PRKCZ: variants seen among roughly 807,000 people sequenced by gnomAD.
The protein encoded by PRKCZ is protein kinase C zeta.
PRKCZ carries 33 observed loss-of-function variants against 79.5 expected under a neutral mutation model. The observed-to-expected ratio is 0.41, with a 90% CI of 0.31 to 0.55. The LOEUF is 0.55. PRKCZ is among the 20% of genes least tolerant of loss of function. PRKCZ has a pLI of 0.19. For synonymous variants in PRKCZ, 342 were observed against 320.9 expected (o/e 1.07, Z -0.70); for missense variants, 578 against 813.5 (o/e 0.71, Z 3.52).
At chr1:2,091,404 T>TTAAA in intron 4 of PRKCZ, among the ~76,000 whole-genome samples, 1 of 152,348 alleles carries the variant, frequency 6.6e-6, no homozygotes, top group Non-Finnish European at 1.5e-5. Context: ...TTTCTAAGTG[T>TTAAA]GTAGTTCAGT....
Position 2,124,310 on chromosome 1 carries a change from G to T in PRKCZ, c.335-10952G>T, listed in dbSNP as rs78368298. Reference sequence around the variant, plus strand: ...AGTTAGCGTCACGGTGGTAGTTAGGGTCACGGTGGTGGTTAGGGTCACGGT... The same window carrying T: ...AGTTAGCGTCACGGTGGTAGTTAGGTTCACGGTGGTGGTTAGGGTCACGGT... On this transcript the variant is annotated intron_variant, in intron 4 of 17. Coordinates refer to ENST00000378567, the MANE Select transcript of PRKCZ (RefSeq NM_002744.6). Among the ~76,000 whole-genome samples, 219 of 71,908 alleles carry T rather than the reference G, an allele frequency of 3.0e-3. 48 individuals carry two copies. The highest frequency in any genetic ancestry group is 7.1e-3 in the African/African-American group (200 of 28,218). 47.2% of individuals were successfully genotyped at this position (71,908 alleles called of 152,430 possible).
rs966738821 is a variant in PRKCZ, at chr1:2,172,590, T to C, written c.1285+202T>C. On this transcript the variant is annotated intron_variant, in intron 13 of 17. Transcript: ENST00000378567. The surrounding 1 kb of genome is among the most constrained non-coding windows in gnomAD (Gnocchi z 7.8). ...CTCCCATGTCCACTTGAGCAGCTCC[T>C]TGGGGAGGGCACTGCACAGGATTCC... is the stretch of plus-strand genomic sequence containing the variant. Among the ~76,000 whole-genome samples, 2 of 152,124 alleles carry C rather than the reference T, an allele frequency of 1.3e-5. No homozygotes were observed. Among genetic ancestry groups the C allele is most frequent in the Non-Finnish European group, 2.9e-5 (2 of 68,016 alleles).
At chr1:2,061,964 G>GC (rs766579294) in intron 4 of PRKCZ, among the ~76,000 whole-genome samples, 2 of 152,166 alleles carry the variant, frequency 1.3e-5, no homozygotes, top group Non-Finnish European at 2.9e-5. Flanking sequence ...CACTGCCCAG[G>GC]CTGAGGGTCA....
rs984006867 is a variant in PRKCZ at position 2,177,390 on chromosome 1, C to T, written c.1575+2077C>T. On this transcript the variant is annotated intron_variant, in intron 16 of 17. Transcript: ENST00000378567. This position sits in a 1 kb window ranked among gnomAD's most constrained non-coding sequence, Gnocchi z 6.4. ...ACCCTCTCTCTTCCAAGCCCACCACCGTATGGGGCCCACCAGCACCATGGG... is the reference window on the plus strand; with the variant it reads ...ACCCTCTCTCTTCCAAGCCCACCACTGTATGGGGCCCACCAGCACCATGGG... Among the ~76,000 whole-genome samples, 4 of 152,166 alleles carry T rather than the reference C, an allele frequency of 2.6e-5. No homozygotes were observed. The highest frequency in any genetic ancestry group is 4.4e-5 in the Non-Finnish European group (3 of 68,044).
At chr1:2,064,935 T>C (rs1660994385) in intron 4 of PRKCZ, among the ~76,000 whole-genome samples, 1 of 152,268 alleles carries the variant, frequency 6.6e-6, no homozygotes, top group Non-Finnish European at 1.5e-5. Flanking sequence ...TAGATCACTT[T>C]GGGTAGTGCT....
At chr1:2,115,298 G>A (rs940060534) in intron 4 of PRKCZ, among the ~76,000 whole-genome samples, 5 of 152,236 alleles carry the variant, frequency 3.3e-5, no homozygotes, top group Non-Finnish European at 5.9e-5. Context: ...GCGAGGCACC[G>A]GGGTCCCGGC....
Position 2,094,015 on chromosome 1 carries a change from C to G in PRKCZ, c.334+34424C>G, listed in dbSNP as rs1174652706. ...TGCTGCCTGACACGTGTGTCTGCTC[C>G]CTGCGGCACGTCCACAGCACCTGCC... is the stretch of plus-strand genomic sequence containing the variant. On this transcript the variant is annotated intron_variant, in intron 4 of 17. Coordinates refer to ENST00000378567, the MANE Select transcript of PRKCZ (RefSeq NM_002744.6). The surrounding 1 kb of genome is among the most constrained non-coding windows in gnomAD (Gnocchi z 7.3). 6.6e-6 allele frequency among the ~76,000 whole-genome samples: 1 copy of G among 152,178 alleles called. No homozygotes were observed. The highest frequency in any genetic ancestry group is 2.4e-5 in the African/African-American group (1 of 41,420).
intron 4 of PRKCZ, among the ~76,000 whole-genome samples, chr1:2,076,757 A>C (rs923278338): frequency 2.7e-5 from 4 of 148,786 alleles, no homozygotes; most frequent in African/African-American, 9.9e-5. Context: ...AAAAAAAAAA[A>C]GGAAAAGCTT....
At chr1:2,076,549 C>T (rs560688698) in intron 4 of PRKCZ, among the ~76,000 whole-genome samples, 41 of 152,230 alleles carry the variant, frequency 2.7e-4, no homozygotes, top group Non-Finnish European at 4.9e-4. Context: ...CAAGACCAGC[C>T]TGGCCAACAT....
At chr1:2,161,018 G>T (rs965983928) in intron 10 of PRKCZ, among the ~76,000 whole-genome samples, 30 of 152,142 alleles carry the variant, frequency 2.0e-4, no homozygotes, top group Non-Finnish European at 3.7e-4. Context: ...GACAGCCTCG[G>T]CCGCGACCTT....
chr1:2,158,397 G>A (rs1264387062), intron 10 of PRKCZ, among the ~76,000 whole-genome samples: 2 of 152,186 alleles, frequency 1.3e-5, no homozygotes, highest in Non-Finnish European at 2.9e-5. Context: ...AGGCCCCAGT[G>A]CCCCATCGTG....
chr1:2,169,299 C>T (rs754447177), intron 10 of PRKCZ: 24 of 594,112 alleles, frequency 4.0e-5, no homozygotes, highest in South Asian at 3.5e-4. Context: ...GGCGAGGCCC[C>T]CGCATGACTC....
chr1:2,180,383 G>T (rs958266291), intron 16 of PRKCZ, among the ~76,000 whole-genome samples: 1 of 151,520 alleles, frequency 6.6e-6, no homozygotes, highest in Admixed American at 6.5e-5. Context: ...ACGCACAGAC[G>T]ACATGGACGC....
chr1:2,124,417 G>A (rs11589827), intron 4 of PRKCZ, among the ~76,000 whole-genome samples: 47,468 of 54,374 alleles, frequency 0.87, 21,712 homozygotes, highest in Admixed American at 0.9. Flanking sequence ...TGGTGGTTAG[G>A]GTCACAGGGT....
chr1:2,118,942 G>A (rs919827611), intron 4 of PRKCZ, among the ~76,000 whole-genome samples: 1 of 152,062 alleles, frequency 6.6e-6, no homozygotes, highest in African/African-American at 2.4e-5. Flanking sequence ...TCATTCTGAT[G>A]TGTTACATTG....
At chr1:2,155,357 G>A (rs573063134) in intron 9 of PRKCZ, among the ~76,000 whole-genome samples, 47 of 151,940 alleles carry the variant, frequency 3.1e-4, no homozygotes, top group African/African-American at 1.0e-3. Flanking sequence ...TGGTGATGAC[G>A]GTGATGATGG....
intron 4 of PRKCZ, among the ~76,000 whole-genome samples, chr1:2,079,063 C>T (rs944979097): frequency 1.3e-5 from 2 of 152,152 alleles, no homozygotes; most frequent in Non-Finnish European, 2.9e-5. Flanking sequence ...AGGATGGTCT[C>T]GATCTTCTGA....
intron 10 of PRKCZ, among the ~76,000 whole-genome samples, chr1:2,163,605 C>G (rs1322115624): frequency 5.3e-5 from 8 of 152,102 alleles, no homozygotes; most frequent in African/African-American, 1.9e-4. Context: ...AGAAAAAACA[C>G]TGAGGCCGGG....
chr1:2,184,480 C>T, intron 16 of PRKCZ, 103 bp from the exon 17 acceptor site: 1 of 802,878 alleles, frequency 1.2e-6, no homozygotes, highest in Non-Finnish European at 2.0e-6. Flanking sequence ...GAAATGCTGA[C>T]TTTCTCACTG....
Sources: allele counts gnomAD v4.1 joint callset (sites outside exome capture counted in the v4.1 genomes callset), GRCh38; gene constraint gnomAD v4.1.1; non-coding constraint Gnocchi (gnomAD v3.1); transcripts MANE v1.5; gene names NCBI Gene and HGNC (gene_info 2026-07-23, HGNC 2026-07-21).